CC2D1A: variants seen among roughly 807,000 people sequenced by gnomAD.
CC2D1A encodes coiled-coil and C2 domain-containing protein 1A.
Under a neutral mutation model 123.8 loss-of-function variants are expected in CC2D1A, and 68 were observed. The observed-to-expected ratio is 0.55, with a 90% CI of 0.45 to 0.67. The LOEUF (loss-of-function observed/expected upper bound fraction) is 0.67, where lower values mean the gene tolerates loss of function less well. Ranked by LOEUF, CC2D1A falls within the 30% of genes least tolerant of loss-of-function variation. CC2D1A has a pLI of 0.00. For synonymous variants in CC2D1A, 477 were observed against 528.0 expected, an observed-to-expected ratio of 0.90 and a Z score of 1.32; for missense variants, 1,185 against 1,290.3, an observed-to-expected ratio of 0.92 and a Z score of 1.25.
chr19:13,918,222 G>C (rs555130238), intron 7 of CC2D1A, 28 bp downstream of exon 7: 3 of 1,526,510 alleles, frequency 2.0e-6, no homozygotes, highest in Non-Finnish European at 2.6e-6. Flanking sequence ...GACAGGACTG[G>C]AGGGATGGGG....
rs565258358 is a variant in CC2D1A, at chr19:13,930,314, G to A, written c.2835+25G>A. The A allele has an allele frequency of 1.9e-6, 3 of 1,613,898 alleles. No individual in the cohort carries two copies. In the East Asian group the frequency reaches 6.7e-5, roughly 36 times the overall value. On this transcript the variant is annotated intron_variant, in intron 28 of 28. Coordinates refer to ENST00000318003, the MANE Select transcript of CC2D1A (RefSeq NM_017721.5). This position sits in a 1 kb window ranked among gnomAD's most constrained non-coding sequence, Gnocchi z 6.8. The stretch of plus-strand genomic sequence containing the variant: ...GGTAAGCAGCTTAGGAGATGGGGTG[G>A]TTGGGGGATCACTGTGGTCGTAGCC...
chr19:13,929,573 G>A lies in CC2D1A; in HGVS notation c.2623G>A (p.Glu875Lys). ...LRQARRPVPPEVAQQYQDIMQ... is the reference protein window; with the variant it reads ...LRQARRPVPPKVAQQYQDIMQ... Reference sequence around the variant, plus strand: ...GCAGGCGCGGCGGCCGGTGCCCCCAGAAGTGGCCCAGCAGTACCAGGACAT... The same window carrying A: ...GCAGGCGCGGCGGCCGGTGCCCCCAAAAGTGGCCCAGCAGTACCAGGACAT... Residue 875 changes from glutamate to lysine, a missense_variant, in exon 26 of 29, where the codon GAA (glutamate) becomes AAA (lysine). By Grantham distance (56) the Glu-to-Lys change is moderately conservative. Transcript: ENST00000318003. 1 of 1,609,638 alleles carries A rather than the reference G, an allele frequency of 6.2e-7. No individual in the cohort carries two copies. Among genetic ancestry groups the A allele is most frequent in the South Asian group, 1.1e-5 (1 of 90,838 alleles).
Position 13,915,119 on chromosome 19 carries a change from A to T in CC2D1A, c.748+1481A>T, listed in dbSNP as rs1434884571. 1.2e-4 allele frequency among the ~76,000 whole-genome samples: 18 copies of T among 152,258 alleles called. 1 individual carries two copies. Among genetic ancestry groups the T allele is most frequent in the Admixed American group, 1.1e-3 (17 of 15,282 alleles). On this transcript the variant is annotated intron_variant, in intron 6 of 28. Transcript: ENST00000318003. ...ATTGTCACCTGAAATTGTCAACTGA[A>T]ACGACCAAAAATTTTTCACAATGGA... is the stretch of plus-strand genomic sequence containing the variant.
At chr19:13,925,932 A>T (rs1250234661) in intron 17 of CC2D1A, among the ~76,000 whole-genome samples, 2 of 103,296 alleles carry the variant, frequency 1.9e-5, no homozygotes, top group African/African-American at 9.6e-5. Flanking sequence ...AAAAAAAAAA[A>T]AATATATATA....
In CC2D1A at chr19:13,930,492, C is replaced by T. The variant is rs765313871; in HGVS notation, c.*97C>T. On this transcript the variant is annotated 3_prime_UTR_variant, in exon 29 of 29. Transcript: ENST00000318003. The surrounding 1 kb of genome is among the most constrained non-coding windows in gnomAD (Gnocchi z 6.8). ...ACGAACCAGACAAGCAGACAATCAG[C>T]GGACAATCGGTTCTGGACTCACCCC... 124 of 1,366,984 alleles carry T rather than the reference C, an allele frequency of 9.1e-5. No homozygotes were observed. The highest frequency in any genetic ancestry group is 5.2e-4 in the Middle Eastern group (2 of 3,836). 84.7% of individuals were successfully genotyped at this position (1,366,984 alleles called of 1,614,324 possible).
chr19:13,923,955 G>A lies in CC2D1A; in HGVS notation c.1940+144G>A. Reference sequence around the variant, plus strand: ...GTGGAAGAGCACAGAGCATGCAAAGGCTCTGGGGCAGGCATGAGATACAAG... The same window carrying A: ...GTGGAAGAGCACAGAGCATGCAAAGACTCTGGGGCAGGCATGAGATACAAG... On this transcript the variant is annotated intron_variant, in intron 17 of 28. Transcript: ENST00000318003. This position sits in a 1 kb window ranked among gnomAD's most constrained non-coding sequence, Gnocchi z 5.3. The A allele has an allele frequency of 1.6e-6, 1 of 639,074 alleles. No homozygotes were observed. Among genetic ancestry groups the A allele is most frequent in the Non-Finnish European group, 2.7e-6 (1 of 363,784 alleles). 39.6% of individuals were successfully genotyped at this position (639,074 alleles called of 1,614,324 possible).
intron 1 of CC2D1A, 105 bp from the exon 2 acceptor site, chr19:13,909,718 G>C: frequency 6.8e-7 from 1 of 1,466,954 alleles, no homozygotes; most frequent in Non-Finnish European, 9.5e-7. Flanking sequence ...GGCTTTCCCT[G>C]GGAGACCTTG....
intron 24 of CC2D1A, 121 bp from the exon 25 acceptor site, chr19:13,929,258 G>A (rs891421488): frequency 2.6e-5 from 26 of 994,096 alleles, no homozygotes; most frequent in East Asian, 1.7e-4. Context: ...ACTCACCTCC[G>A]CCTCCCAAAG....
At position 13,918,827 on chromosome 19, in the gene CC2D1A, G is replaced by A. The variant is rs948919266; in HGVS notation, c.1018+10G>A. 6.2e-7 allele frequency: 1 copy of A among 1,612,978 alleles called. No homozygotes were observed. The highest frequency in any genetic ancestry group is 1.7e-5 in the Admixed American group (1 of 59,884). On this transcript the variant is annotated intron_variant, in intron 9 of 28. Transcript: ENST00000318003. ...GCGCCCTCCACAACAGGTAGGTTCT[G>A]GGACCCTCTGGGGTTGGGGGCAGGC...
chr19:13,909,871 G>A lies in CC2D1A; in HGVS notation c.109G>A (p.Asp37Asn), dbSNP rs1970933523. 5 of 1,577,960 alleles carry A rather than the reference G, an allele frequency of 3.2e-6. No individual in the cohort carries two copies. Among genetic ancestry groups the A allele is most frequent in the Admixed American group, 1.8e-5 (1 of 55,668 alleles). Residue 37 changes from aspartate (D) to asparagine (N), a missense_variant, in exon 2 of 29, where the codon GAC becomes AAC. Asp to Asn is a conservative substitution (Grantham distance 23). Transcript: ENST00000318003. ...CCCAGATGGCCTGATGATCCCTGAG[G>A]ACGGGGCTAACGATGAAGAACTGGA... ...LSPDGLMIPE[D>N]GANDEELEAE...
In CC2D1A at chr19:13,923,959, T is replaced by G; in HGVS notation, c.1940+148T>G. On this transcript the variant is annotated intron_variant, in intron 17 of 28. Coordinates refer to ENST00000318003, the MANE Select transcript of CC2D1A (RefSeq NM_017721.5). The surrounding 1 kb of genome is among the most constrained non-coding windows in gnomAD (Gnocchi z 5.3). The stretch of plus-strand genomic sequence containing the variant: ...AAGAGCACAGAGCATGCAAAGGCTC[T>G]GGGGCAGGCATGAGATACAAGTGAA... 1.6e-6 allele frequency: 1 copy of G among 634,116 alleles called. No individual in the cohort carries two copies. The highest frequency in any genetic ancestry group is 2.7e-5 in the East Asian group (1 of 36,796). 39.3% of individuals were successfully genotyped at this position (634,116 alleles called of 1,614,324 possible). A position where few individuals can be genotyped will look rare whatever the true frequency, so the allele number is the denominator to read the frequency against.
At chr19:13,911,166 C>A (rs770977184) in intron 2 of CC2D1A, among the ~76,000 whole-genome samples, 1 of 151,700 alleles carries the variant, frequency 6.6e-6, no homozygotes, top group Admixed American at 6.6e-5. Context: ...TTTGAGGCTG[C>A]AGTGAGCTCT....
At chr19:13,926,634 C>G in intron 18 of CC2D1A, 33 bp from the exon 19 acceptor site, 2 of 1,614,188 alleles carry the variant, frequency 1.2e-6, no homozygotes, top group Non-Finnish European at 1.7e-6. Flanking sequence ...GGGACCCCCT[C>G]TCTGCCCAGC....
chr19:13,907,638 T>C (rs757925763), intron 1 of CC2D1A, among the ~76,000 whole-genome samples: 11 of 151,774 alleles, frequency 7.2e-5, no homozygotes, highest in Admixed American at 1.3e-4. Flanking sequence ...CGCCACTGCA[T>C]TCCAGACTGG....
intron 9 of CC2D1A, 26 bp from the exon 10 acceptor site, chr19:13,918,884 CTT>C (rs753784103): frequency 1.2e-6 from 2 of 1,607,814 alleles, no homozygotes; most frequent in Non-Finnish European, 1.7e-6. Flanking sequence ...TCCGTTGACT[CTT>C]AACCTTGTCC....
Position 13,906,401 on chromosome 19 carries a change from C to A in CC2D1A, c.-41C>A, listed in dbSNP as rs1007237362. 25 of 1,488,122 alleles carry A rather than the reference C, an allele frequency of 1.7e-5. No homozygotes were observed. Among genetic ancestry groups the A allele is most frequent in the Non-Finnish European group, 2.1e-5 (24 of 1,116,402 alleles). 92.2% of individuals were successfully genotyped at this position (1,488,122 alleles called of 1,614,324 possible). Reference sequence around the variant, plus strand: ...GCCCGGGGAAGGAGGCAGGGCAAGGCCGGGCTTGGGGGCAGGTGGTCCGGG... The same window carrying A: ...GCCCGGGGAAGGAGGCAGGGCAAGGACGGGCTTGGGGGCAGGTGGTCCGGG... On this transcript the variant is annotated 5_prime_UTR_variant, in exon 1 of 29. Transcript: ENST00000318003. The surrounding 1 kb of genome is among the most constrained non-coding windows in gnomAD (Gnocchi z 4.1).
chr19:13,909,769 C>T, intron 1 of CC2D1A, 54 bp from the exon 2 acceptor site: 1 of 1,608,418 alleles, frequency 6.2e-7, no homozygotes, highest in Non-Finnish European at 8.5e-7. Flanking sequence ...ATCATGGCTG[C>T]CTCTAGCCAT....
intron 24 of CC2D1A, 80 bp from the exon 25 acceptor site, chr19:13,929,299 C>T (rs1163773952): frequency 2.1e-6 from 3 of 1,450,654 alleles, no homozygotes; most frequent in Admixed American, 3.4e-5. Context: ...GCCACTGTGC[C>T]CAGCCCAGTG....
chr19:13,918,236 G>A (rs1425685455), intron 7 of CC2D1A, 42 bp downstream of exon 7: 1 of 1,496,490 alleles, frequency 6.7e-7, no homozygotes, highest in Non-Finnish European at 8.9e-7. Flanking sequence ...GATGGGGCAG[G>A]ATGCTTCCCA....
Sources: allele counts gnomAD v4.1 joint callset (sites outside exome capture counted in the v4.1 genomes callset), GRCh38; gene constraint gnomAD v4.1.1; non-coding constraint Gnocchi (gnomAD v3.1); transcripts MANE v1.5; gene names NCBI Gene and HGNC (gene_info 2026-07-23, HGNC 2026-07-21).